ZFHX2: variants seen among roughly 807,000 people sequenced by gnomAD.
The protein encoded by ZFHX2 is zinc finger homeobox protein 2.
In ZFHX2, 75 loss-of-function variants were observed where a neutral mutation model predicts 164.8. That is an observed-to-expected ratio of 0.46 (90% CI 0.38 to 0.55). The LOEUF (loss-of-function observed/expected upper bound fraction) is 0.55, where lower values mean the gene tolerates loss of function less well. Among genes scored for constraint, ZFHX2 ranks in the 20% least tolerant of loss-of-function variants. The pLI is 0.00. For missense variants in ZFHX2, 2,933 were observed against 3,308.0 expected (o/e 0.89, Z 2.78); for synonymous variants, 1,217 against 1,351.4 (o/e 0.90, Z 2.18).
rs1879355749 is a variant in ZFHX2, at chr14:23,530,211, G to GA, written c.2801-18dup. 6.6e-7 allele frequency: 1 copy of GA among 1,516,844 alleles called. No individual in the cohort carries two copies. The highest frequency in any genetic ancestry group is 8.9e-7 in the Non-Finnish European group (1 of 1,129,682). The allele number at this position is 1,516,844 out of a possible 1,614,324, so 94.0% of individuals were successfully genotyped here. A position where few individuals can be genotyped will look rare whatever the true frequency, so the allele number is the denominator to read the frequency against. On this transcript the variant is annotated splice_polypyrimidine_tract_variant and intron_variant, in intron 4 of 9. Transcript: ENST00000419474. ...GAGCCTTCCCTGTGTAGGATGGGGG[G>GA]AGAGTCAGCTTAAAGAGGTGTGGCA...
chr14:23,529,604 G>A (rs1879265604), intron 6 of ZFHX2, 106 bp downstream of exon 6: 2 of 1,154,352 alleles, frequency 1.7e-6, no homozygotes, highest in East Asian at 5.1e-5. Flanking sequence ...TATTCTGAGT[G>A]AAATAAGTCA....
chr14:23,522,652 GC>G lies in ZFHX2; in HGVS notation c.7028del (p.Gly2343AlafsTer35). 6.5e-7 allele frequency: 1 copy of G among 1,536,304 alleles called. No homozygotes were observed. The highest frequency in any genetic ancestry group is 8.7e-7 in the Non-Finnish European group (1 of 1,146,856). On this transcript the variant is annotated frameshift_variant, in exon 10 of 10. Coordinates refer to ENST00000419474, the MANE Select transcript of ZFHX2 (RefSeq NM_033400.3). LOFTEE classifies it high-confidence loss of function. ...GGGGCAATGGAAAGGGCAGGAACTG[GC>G]CCCCCAACAGGGCTGGGACAGTGGT... ...LKTTVPALLG[G>X]QFLPFPLPPA...
rs916807999 is a variant in ZFHX2, at chr14:23,535,992, G to C, written c.-49-618C>G. On this transcript the variant is annotated intron_variant, in intron 1 of 9. Transcript: ENST00000419474. This position sits in a 1 kb window ranked among gnomAD's most constrained non-coding sequence, Gnocchi z 4.5. ...CAGTGGCTTAGACTAAAAACCCAAAGTTTTATCTTGCCCTCACCTACTGGA... is the reference window on the plus strand; with the variant it reads ...CAGTGGCTTAGACTAAAAACCCAAACTTTTATCTTGCCCTCACCTACTGGA... Among the ~76,000 whole-genome samples, 8 of 152,166 alleles carry C rather than the reference G, an allele frequency of 5.3e-5. No individual in the cohort carries two copies. The highest frequency in any genetic ancestry group is 7.3e-5 in the Non-Finnish European group (5 of 68,038).
Position 23,525,456 on chromosome 14 carries a change from T to C in ZFHX2, c.4486A>G (p.Lys1496Glu). ...GKLFSNMLIL[K>E]THEEHVHRRF... ...CGGTGGACATGTTCCTCGTGTGTCTTGAGGATAAGCATATTGGAGAAGAGT... is the reference window on the plus strand; with the variant it reads ...CGGTGGACATGTTCCTCGTGTGTCTCGAGGATAAGCATATTGGAGAAGAGT... Residue 1496 changes from lysine (K) to glutamate (E), a missense_variant, in exon 9 of 10, where the codon AAG becomes GAG. Lys to Glu is a moderately conservative substitution (Grantham distance 56, BLOSUM62 1). Coordinates refer to ENST00000419474, the MANE Select transcript of ZFHX2 (RefSeq NM_033400.3). This position sits in a 1 kb window ranked among gnomAD's most constrained non-coding sequence, Gnocchi z 5.9. The C allele has an allele frequency of 1.3e-6, 2 of 1,536,080 alleles. No homozygotes were observed. The highest frequency in any genetic ancestry group is 1.7e-6 in the Non-Finnish European group (2 of 1,146,898).
At chr14:23,554,502 G>A (rs1025459463), upstream of ZFHX2, among the ~76,000 whole-genome samples, 1 of 151,782 alleles carries the variant, frequency 6.6e-6, no homozygotes, top group African/African-American at 2.4e-5. Flanking sequence ...TCAACCTCCT[G>A]AGCAGCTGGG....
At chr14:23,539,904 C>G (rs1428224007) in intron 1 of ZFHX2, among the ~76,000 whole-genome samples, 3 of 152,258 alleles carry the variant, frequency 2.0e-5, no homozygotes, top group Non-Finnish European at 4.4e-5. Context: ...AAACCCAACT[C>G]CATGGCAAAG....
At chr14:23,544,977 C>A (rs796852671) in intron 1 of ZFHX2, among the ~76,000 whole-genome samples, 14 of 152,196 alleles carry the variant, frequency 9.2e-5, no homozygotes, top group African/African-American at 3.4e-4. Flanking sequence ...TTTCATGTCT[C>A]CCTTCCCGCT....
Position 23,525,104 on chromosome 14 carries a change from A to G in ZFHX2, c.4838T>C (p.Phe1613Ser), listed in dbSNP as rs1190632178. Residue 1613 changes from phenylalanine to serine, a missense_variant, in exon 9 of 10, where the codon TTC (phenylalanine) becomes TCC (serine). Physicochemically the swap from Phe to Ser is radical, Grantham distance 155. Coordinates refer to ENST00000419474, the MANE Select transcript of ZFHX2 (RefSeq NM_033400.3). The surrounding 1 kb of genome is among the most constrained non-coding windows in gnomAD (Gnocchi z 5.9). ...TTTGGGGTAGGCGCTAGTCTCAAAG[A>G]AAGACTGCAGGGCTTGGGTCTGGAA... ...TEFQTQALQS[F>S]FETSAYPKDG... 6.5e-7 allele frequency: 1 copy of G among 1,536,128 alleles called. No individual in the cohort carries two copies. The highest frequency in any genetic ancestry group is 8.7e-7 in the Non-Finnish European group (1 of 1,146,910).
In ZFHX2 at chr14:23,523,673, G is replaced by C; in HGVS notation, c.6269C>G (p.Pro2090Arg). Residue 2090 changes from proline (P) to arginine (R), a missense_variant, in exon 9 of 10, where the codon CCC becomes CGC. Transcript: ENST00000419474. This position sits in a 1 kb window ranked among gnomAD's most constrained non-coding sequence, Gnocchi z 4.1. ...MKACYEAYRT[P>R]TMQECEVLGE... ...CAGCACCTCACACTCCTGCATGGTG[G>C]GGGTGCGGTAAGCTTCATAGCAGGC... 1.3e-6 allele frequency: 2 copies of C among 1,540,506 alleles called. No homozygotes were observed. Among genetic ancestry groups the C allele is most frequent in the Non-Finnish European group, 1.7e-6 (2 of 1,148,870 alleles).
intron 1 of ZFHX2, among the ~76,000 whole-genome samples, chr14:23,538,754 G>A (rs1880467659): frequency 6.6e-6 from 1 of 152,160 alleles, no homozygotes; most frequent in South Asian, 2.1e-4. Flanking sequence ...TGGATCTGGT[G>A]TAGGGTGGAG....
At chr14:23,536,333 T>C (rs1180173919) in intron 1 of ZFHX2, among the ~76,000 whole-genome samples, 2 of 152,210 alleles carry the variant, frequency 1.3e-5, no homozygotes, top group Admixed American at 6.6e-5. Context: ...AGATTTTCCA[T>C]ACCCTGACGA....
chr14:23,529,542 C>T lies in ZFHX2; in HGVS notation c.2934+168G>A, dbSNP rs147617245. On this transcript the variant is annotated intron_variant, in intron 6 of 9. Coordinates refer to ENST00000419474, the MANE Select transcript of ZFHX2 (RefSeq NM_033400.3). ...GACCCTGCTGGGCCAGCTCTGCCCCCGAAAGTGCTGAACATGTGGAACTGG... is the reference window on the plus strand; with the variant it reads ...GACCCTGCTGGGCCAGCTCTGCCCCTGAAAGTGCTGAACATGTGGAACTGG... 560 of 690,226 alleles carry T rather than the reference C, an allele frequency of 8.1e-4. 1 individual carries two copies. In the African/African-American group the frequency reaches 9.2e-3, roughly 11 times the overall value. 42.8% of individuals were successfully genotyped at this position (690,226 alleles called of 1,614,324 possible).
rs913196433 is a variant in ZFHX2 at position 23,533,441 on chromosome 14, G to T, written c.1885C>A (p.Pro629Thr). The T allele has an allele frequency of 1.3e-6, 2 of 1,531,664 alleles. No individual in the cohort carries two copies. The highest frequency in any genetic ancestry group is 2.0e-5 in the Admixed American group (1 of 50,792). 94.9% of individuals were successfully genotyped at this position (1,531,664 alleles called of 1,614,324 possible). The change falls in exon 2 of 10, where the codon CCT (proline) becomes ACT (threonine). Residue 629 changes from proline to threonine, a missense_variant. Physicochemically the swap from Pro to Thr is conservative, Grantham distance 38 (BLOSUM62 -1). Coordinates refer to ENST00000419474, the MANE Select transcript of ZFHX2 (RefSeq NM_033400.3). This position sits in a 1 kb window ranked among gnomAD's most constrained non-coding sequence, Gnocchi z 4.8. Reference protein sequence around the residue: ...PPPGATPTSPPELFQYFGPQA... With the variant: ...PPPGATPTSPTELFQYFGPQA... ...GGCCCAAAGTACTGGAAGAGTTCAG[G>T]GGGGCTAGTGGGGGTAGCCCCTGGT... is the stretch of plus-strand genomic sequence containing the variant.
intron 6 of ZFHX2, 76 bp from the exon 7 acceptor site, chr14:23,527,880 A>C: frequency 8.7e-7 from 1 of 1,146,992 alleles, no homozygotes; most frequent in Non-Finnish European, 1.2e-6. Flanking sequence ...CTTTGGATGC[A>C]GCACTGGCCC....
In ZFHX2 at chr14:23,530,166, C is replaced by T; in HGVS notation, c.2829G>A (p.Glu943=). 6.5e-7 allele frequency: 1 copy of T among 1,535,914 alleles called. No individual in the cohort carries two copies. The highest frequency in any genetic ancestry group is 8.7e-7 in the Non-Finnish European group (1 of 1,146,834). ...PGKAPVTPLA[E]PPTPEKDAQN... ...GGGCATCTTTCTCAGGGGTGGGTGGCTCAGCTAAGGGGGTGACAGGAGCCT... is the reference window on the plus strand; with the variant it reads ...GGGCATCTTTCTCAGGGGTGGGTGGTTCAGCTAAGGGGGTGACAGGAGCCT... The change falls in exon 5 of 10, where the codon GAG becomes GAA. Residue 943 remains glutamate (E), a synonymous_variant. Coordinates refer to ENST00000419474, the MANE Select transcript of ZFHX2 (RefSeq NM_033400.3).
chr14:23,552,523 C>A (rs1371448777), upstream of ZFHX2, among the ~76,000 whole-genome samples: 1 of 152,118 alleles, frequency 6.6e-6, no homozygotes, highest in Non-Finnish European at 1.5e-5. Flanking sequence ...GAACTCCTGA[C>A]CTTGTGATCC....
chr14:23,525,027 C>A lies in ZFHX2; in HGVS notation c.4915G>T (p.Val1639Leu). The change falls in exon 9 of 10, where the codon GTG becomes TTG. Residue 1639 changes from valine to leucine, a missense_variant. Val to Leu is a conservative substitution (Grantham distance 32). Transcript: ENST00000419474. The surrounding 1 kb of genome is among the most constrained non-coding windows in gnomAD (Gnocchi z 5.9). ...ASLLGLASRVVVVWFQNARQK... is the reference protein window; with the variant it reads ...ASLLGLASRVLVVWFQNARQK... ...CGGGCATTCTGGAACCACACCACCA[C>A]CACACGGCTAGCCAGACCCAACAGA... 1 of 1,536,230 alleles carries A rather than the reference C, an allele frequency of 6.5e-7. No homozygotes were observed. Among genetic ancestry groups the A allele is most frequent in the Non-Finnish European group, 8.7e-7 (1 of 1,146,920 alleles).
At position 23,525,256 on chromosome 14, in the gene ZFHX2, G is replaced by T; in HGVS notation, c.4686C>A (p.Thr1562=). 6.5e-7 allele frequency: 1 copy of T among 1,536,094 alleles called. No individual in the cohort carries two copies. Among genetic ancestry groups the T allele is most frequent in the South Asian group, 1.2e-5 (1 of 84,062 alleles). The change falls in exon 9 of 10, where the codon ACC becomes ACA. Residue 1562 remains threonine, a synonymous_variant. Transcript: ENST00000419474. This position sits in a 1 kb window ranked among gnomAD's most constrained non-coding sequence, Gnocchi z 5.9. Reference sequence around the variant, plus strand: ...CTCGACTTCGCTCTTCAGGGGCACGGGTCCCCCCTGCCTCAGGCTCTGGGA... The same window carrying T: ...CTCGACTTCGCTCTTCAGGGGCACGTGTCCCCCCTGCCTCAGGCTCTGGGA... ...FLVPEPEAGG[T]RAPEERSRAG...
intron 1 of ZFHX2, among the ~76,000 whole-genome samples, chr14:23,541,226 C>T (rs1880774980): frequency 6.6e-6 from 1 of 151,490 alleles, no homozygotes; most frequent in South Asian, 2.1e-4. Flanking sequence ...CCTTTCTTGA[C>T]CAAGACTCAT....
Sources: gnomAD v4.1 joint callset for allele counts (sites outside exome capture counted in the v4.1 genomes callset) on GRCh38, gnomAD v4.1.1 for gene constraint, Gnocchi (gnomAD v3.1) non-coding constraint, MANE v1.5 for transcripts, NCBI Gene and HGNC (gene_info 2026-07-23, HGNC 2026-07-21) for gene names.